The following KMT2C variants were observed in gnomAD, a reference collection of about 807,000 sequenced individuals.
KMT2C encodes the protein histone-lysine N-methyltransferase 2C.
A neutral mutation model predicts 507.9 loss-of-function variants in KMT2C; 88 were observed. That is an observed-to-expected ratio of 0.17 (90% CI 0.15 to 0.21). The LOEUF is 0.21. Ranked by LOEUF, KMT2C falls within the 10% of genes least tolerant of loss-of-function variation. The pLI is 1.00. For missense variants in KMT2C, 4,954 were observed against 5,957.8 expected (o/e 0.83, Z 5.55); for synonymous variants, 2,049 against 2,080.8 (o/e 0.98, Z 0.42).
intron 6 of KMT2C, among the ~76,000 whole-genome samples, chr7:152,290,258 G>GTATATATATATATATA (rs746466676): frequency 2.3e-4 from 6 of 26,262 alleles, no homozygotes; most frequent in Non-Finnish European, 2.0e-4. Context: ...GTGTGTATGT[G>GTATATATATATATATA]TATATATATA....
intron 1 of KMT2C, chr7:152,367,996 A>C (rs746362512): frequency 2.5e-5 from 21 of 852,682 alleles, no homozygotes; most frequent in Middle Eastern, 6.8e-4. Context: ...AAAGAAATCC[A>C]AGAACATAAA....
intron 48 of KMT2C, 75 bp from the exon 49 acceptor site, chr7:152,153,029 G>C: frequency 6.5e-7 from 1 of 1,530,882 alleles, no homozygotes; most frequent in South Asian, 1.2e-5. Context: ...TACACACTTA[G>C]GATAAATCCT....
intron 1 of KMT2C, among the ~76,000 whole-genome samples, chr7:152,360,213 C>T (rs553242492): frequency 6.6e-6 from 1 of 152,090 alleles, no homozygotes; most frequent in Admixed American, 6.5e-5. Flanking sequence ...CACAGTAACT[C>T]ACGCCTGTAA....
intron 1 of KMT2C, among the ~76,000 whole-genome samples, chr7:152,395,377 T>A (rs1343779853): frequency 6.6e-6 from 1 of 151,940 alleles, no homozygotes; most frequent in Non-Finnish European, 1.5e-5. Flanking sequence ...TTAGAGACAG[T>A]GTCTCACTAT....
chr7:152,169,716 T>C (rs2092877388), intron 40 of KMT2C, among the ~76,000 whole-genome samples: 1 of 152,104 alleles, frequency 6.6e-6, no homozygotes, highest in African/African-American at 2.4e-5. Context: ...AAAAATACGT[T>C]AATAAAAATA....
At chr7:152,339,336 T>A (rs183691661) in intron 2 of KMT2C, among the ~76,000 whole-genome samples, 93 of 152,338 alleles carry the variant, frequency 6.1e-4, no homozygotes, top group Admixed American at 2.0e-3. Context: ...GTGGTATTGG[T>A]GGATACCTAA....
At position 152,418,370 on chromosome 7, in the gene KMT2C, G is replaced by C. The variant is rs565085768; in HGVS notation, c.161+17256C>G. Reference sequence around the variant, plus strand: ...TACACATAGTAACAAAAGGCAGTAGGGTGAGAAGAGGAAAAGGGGAGACAG... The same window carrying C: ...TACACATAGTAACAAAAGGCAGTAGCGTGAGAAGAGGAAAAGGGGAGACAG... On this transcript the variant is annotated intron_variant, in intron 1 of 58. Coordinates refer to ENST00000262189, the MANE Select transcript of KMT2C (RefSeq NM_170606.3). Among the ~76,000 whole-genome samples the C allele has an allele frequency of 2.0e-5, 3 of 152,276 alleles. No individual in the cohort carries two copies. The East Asian group carries it at 5.8e-4, about 29-fold the overall frequency.
intron 44 of KMT2C, among the ~76,000 whole-genome samples, chr7:152,158,522 GT>G (rs1393260345): frequency 1.0e-4 from 14 of 137,176 alleles, no homozygotes; most frequent in South Asian, 2.4e-4. Context: ...TTTTTTTTTT[GT>G]TTTTTTTTTT....
chr7:152,347,059 G>A (rs554563179), intron 2 of KMT2C, among the ~76,000 whole-genome samples: 5 of 152,326 alleles, frequency 3.3e-5, no homozygotes, highest in South Asian at 2.1e-4. Flanking sequence ...GGAAGGCAGA[G>A]GCTGCAGTGA....
chr7:152,239,829 T>C (rs1258413194), intron 14 of KMT2C, among the ~76,000 whole-genome samples: 1 of 152,194 alleles, frequency 6.6e-6, no homozygotes, highest in African/African-American at 2.4e-5. Context: ...ACAAGGTACA[T>C]AGTACTTACC....
intron 14 of KMT2C, among the ~76,000 whole-genome samples, chr7:152,239,515 C>A (rs1369468009): frequency 6.7e-6 from 1 of 148,336 alleles, no homozygotes; most frequent in Non-Finnish European, 1.5e-5. Flanking sequence ...AACGTTAAAG[C>A]AAATTGTCCT....
At chr7:152,178,677 G>C (rs968469614) in intron 37 of KMT2C, among the ~76,000 whole-genome samples, 5 of 152,072 alleles carry the variant, frequency 3.3e-5, no homozygotes. Flanking sequence ...GAAATTAAGA[G>C]TAAGATTACA....
intron 6 of KMT2C, among the ~76,000 whole-genome samples, chr7:152,282,591 T>C (rs2096238669): frequency 6.6e-6 from 1 of 152,036 alleles, no homozygotes; most frequent in Admixed American, 6.5e-5. Context: ...TAGTAGCCAA[T>C]TATACAAAGT....
chr7:152,145,426 TA>T, intron 53 of KMT2C, 131 bp from the exon 54 acceptor site: 1 of 873,024 alleles, frequency 1.1e-6, no homozygotes, highest in Non-Finnish European at 1.7e-6. Flanking sequence ...AATGGTCTTC[TA>T]GCTTATGTTA....
chr7:152,337,402 T>C (rs1168244969), intron 2 of KMT2C, among the ~76,000 whole-genome samples: 4 of 152,226 alleles, frequency 2.6e-5, no homozygotes, highest in Admixed American at 6.5e-5. Context: ...AAAGATAAAT[T>C]AGATCTAACC....
chr7:152,208,120 C>A (rs945129585), intron 23 of KMT2C, among the ~76,000 whole-genome samples: 5 of 152,180 alleles, frequency 3.3e-5, no homozygotes, highest in Admixed American at 1.3e-4. Flanking sequence ...AATGATCTTT[C>A]TATAAATATG....
At chr7:152,165,027 G>A (rs1306837534) in intron 42 of KMT2C, among the ~76,000 whole-genome samples, 1 of 152,210 alleles carries the variant, frequency 6.6e-6, no homozygotes, top group Non-Finnish European at 1.5e-5. Context: ...TCCCCAGGTA[G>A]ACTAATACTT....
chr7:152,238,416 T>C (rs2095324742), intron 15 of KMT2C, among the ~76,000 whole-genome samples: 1 of 152,230 alleles, frequency 6.6e-6, no homozygotes, highest in East Asian at 1.9e-4. Flanking sequence ...GGTTTTATGA[T>C]ATCATGAATG....
In KMT2C at chr7:152,138,144, G is replaced by T. The variant is rs1477541653; in HGVS notation, c.14643+652C>A. ...AACCAAGGTACCTGAATCACAGTGG[G>T]AAAGACCAAGGTGGGAAGCAAATGC... On this transcript the variant is annotated intron_variant, in intron 58 of 58. Transcript: ENST00000262189. This position sits in a 1 kb window ranked among gnomAD's most constrained non-coding sequence, Gnocchi z 4.2. 6.6e-6 allele frequency: 1 copy of T among 152,272 alleles called. No individual in the cohort carries two copies. Among genetic ancestry groups the T allele is most frequent in the Admixed American group, 6.5e-5 (1 of 15,286 alleles). The allele number at this position is 152,272 out of a possible 1,614,324, so 9.4% of individuals were successfully genotyped here.
Sources: allele counts gnomAD v4.1 joint callset (sites outside exome capture counted in the v4.1 genomes callset), GRCh38; gene constraint gnomAD v4.1.1; non-coding constraint Gnocchi (gnomAD v3.1); transcripts MANE v1.5; gene names NCBI Gene and HGNC (gene_info 2026-07-23, HGNC 2026-07-21).